Variants in TBC1D13 observed in about 807,000 individuals in gnomAD.
TBC1D13 encodes the protein epididymis secretory sperm binding protein.
Under a neutral mutation model 53.6 loss-of-function variants are expected in TBC1D13, and 40 were observed. The ratio of observed to expected loss-of-function variants is 0.75; its 90% CI spans 0.58 to 0.97. The LOEUF is 0.97. Among genes scored for constraint, TBC1D13 ranks in the 50% least tolerant of loss-of-function variants. The pLI is 0.00. For synonymous variants in TBC1D13, 182 were observed against 197.7 expected (o/e 0.92, Z 0.67); for missense variants, 377 against 499.4 (o/e 0.75, Z 2.34).
intron 6 of TBC1D13, among the ~76,000 whole-genome samples, 166 bp downstream of exon 6, chr9:128,792,740 C>T (rs187447106): frequency 6.6e-6 from 1 of 152,250 alleles, no homozygotes; most frequent in East Asian, 1.9e-4. Flanking sequence ...AGGCTGAGAA[C>T]GAGGCTAGCG....
At chr9:128,804,720 GTTTTTTTTTTTT>G (rs1170366996) in intron 9 of TBC1D13, among the ~76,000 whole-genome samples, 2 of 56,392 alleles carry the variant, frequency 3.5e-5, no homozygotes, top group African/African-American at 8.2e-5. Flanking sequence ...TTTTTTTTCT[GTTTTTTTTTTTT>G]TTTTTTTTTT....
intron 10 of TBC1D13, 111 bp downstream of exon 10, chr9:128,806,130 G>T (rs1829828324): frequency 8.8e-6 from 14 of 1,586,574 alleles, no homozygotes; most frequent in African/African-American, 1.3e-5. Flanking sequence ...CATGGCTGGA[G>T]TGGGATTCTG....
chr9:128,802,338 A>G (rs539566343), intron 7 of TBC1D13, among the ~76,000 whole-genome samples: 1 of 152,310 alleles, frequency 6.6e-6, no homozygotes, highest in South Asian at 2.1e-4. Context: ...GATTACAGGT[A>G]TGAACCACCG....
intron 5 of TBC1D13, 115 bp downstream of exon 5, chr9:128,791,808 C>T: frequency 1.2e-6 from 1 of 825,814 alleles, no homozygotes; most frequent in Non-Finnish European, 2.0e-6. Context: ...TGTCAGTCCC[C>T]TCTGGACCTC....
At chr9:128,798,606 T>C (rs1337795149) in intron 7 of TBC1D13, among the ~76,000 whole-genome samples, 3 of 152,178 alleles carry the variant, frequency 2.0e-5, no homozygotes, top group African/African-American at 7.2e-5. Context: ...GGGTTAGATC[T>C]GAGAGACTCT....
intron 9 of TBC1D13, among the ~76,000 whole-genome samples, chr9:128,805,593 A>G (rs1439217660): frequency 6.6e-6 from 1 of 152,252 alleles, no homozygotes; most frequent in Non-Finnish European, 1.5e-5. Flanking sequence ...GCCATCATTT[A>G]TAAATCTGGA....
At chr9:128,806,101 G>T in intron 10 of TBC1D13, 82 bp downstream of exon 10, 2 of 1,586,016 alleles carry the variant, frequency 1.3e-6, no homozygotes, top group Non-Finnish European at 1.7e-6. Context: ...GCCCCGAAGG[G>T]TGGGCAGGGC....
intron 3 of TBC1D13, 113 bp from the exon 4 acceptor site, chr9:128,791,267 C>A: frequency 1.9e-6 from 2 of 1,038,262 alleles, no homozygotes; most frequent in Non-Finnish European, 3.0e-6. Context: ...TTTAGCCCAT[C>A]TTGTCTTCTT....
In TBC1D13 at chr9:128,805,895, C is replaced by G. The variant is rs758382085; in HGVS notation, c.955C>G (p.Arg319Gly). 4 of 1,614,116 alleles carry G rather than the reference C, an allele frequency of 2.5e-6. No homozygotes were observed. Among genetic ancestry groups the G allele is most frequent in the East Asian group, 2.2e-5 (1 of 44,894 alleles). The change falls in exon 10 of 12, where the codon CGC (arginine) becomes GGC (glycine). Residue 319 changes from arginine (R) to glycine (G), a missense_variant. Coordinates refer to ENST00000372648, the MANE Select transcript of TBC1D13 (RefSeq NM_018201.5). Reference sequence around the variant, plus strand: ...CATCAAGCCTCAGTTCTTTGCCTTCCGCTGGCTGACACTGCTGCTGTCCCA... The same window carrying G: ...CATCAAGCCTCAGTTCTTTGCCTTCGGCTGGCTGACACTGCTGCTGTCCCA... The part of the protein sequence containing the change: ...QNIKPQFFAF[R>G]WLTLLLSQEF...
At chr9:128,805,724 G>A in intron 9 of TBC1D13, 135 bp from the exon 10 acceptor site, 1 of 985,822 alleles carries the variant, frequency 1.0e-6, no homozygotes, top group Non-Finnish European at 1.5e-6. Context: ...CCGGCAGCCT[G>A]GTGCCAGCCC....
chr9:128,788,324 C>G lies in TBC1D13; in HGVS notation c.24-10C>G. 1 of 1,613,904 alleles carries G rather than the reference C, an allele frequency of 6.2e-7. No individual in the cohort carries two copies. The highest frequency in any genetic ancestry group is 1.1e-5 in the South Asian group (1 of 91,076). The stretch of plus-strand genomic sequence containing the variant: ...GCATGCTTCATTTGCCGCCCTATCT[C>G]CCCTTCCAGAATTGCAGATTTCCAG... On this transcript the variant is annotated splice_polypyrimidine_tract_variant and intron_variant, in intron 1 of 11. Coordinates refer to ENST00000372648, the MANE Select transcript of TBC1D13 (RefSeq NM_018201.5).
chr9:128,790,923 G>C (rs985048588), intron 3 of TBC1D13, 148 bp downstream of exon 3: 43 of 756,906 alleles, frequency 5.7e-5, no homozygotes, highest in Middle Eastern at 3.9e-4. Flanking sequence ...TGGGTTTTCT[G>C]TTCCTCTTGG....
chr9:128,797,029 G>A (rs779919237), intron 6 of TBC1D13, 26 bp from the exon 7 acceptor site: 3 of 1,612,882 alleles, frequency 1.9e-6, no homozygotes, highest in Non-Finnish European at 2.5e-6. Flanking sequence ...TGAGTAACAA[G>A]ATTATTTCCT....
chr9:128,788,202 C>G (rs1347792710), intron 1 of TBC1D13, 132 bp from the exon 2 acceptor site: 2 of 722,760 alleles, frequency 2.8e-6, no homozygotes, highest in Admixed American at 4.4e-5. Flanking sequence ...CTTGACTAAG[C>G]TGTGTGATTT....
chr9:128,806,826 C>T lies in TBC1D13; in HGVS notation c.1137+515C>T, dbSNP rs117207958. On this transcript the variant is annotated intron_variant, in intron 11 of 11. Coordinates refer to ENST00000372648, the MANE Select transcript of TBC1D13 (RefSeq NM_018201.5). ...GGCTTGGTGGCATGCACCTGTAATTCCCAGCTGCTTGGGAGGCTGAGGTAG... is the reference window on the plus strand; with the variant it reads ...GGCTTGGTGGCATGCACCTGTAATTTCCAGCTGCTTGGGAGGCTGAGGTAG... 3.9e-3 allele frequency among the ~76,000 whole-genome samples: 591 copies of T among 152,074 alleles called. 12 individuals are homozygous for T. The East Asian group carries it at 0.04, about 10-fold the overall frequency.
intron 2 of TBC1D13, 95 bp downstream of exon 2, chr9:128,788,502 CT>C: frequency 9.1e-7 from 1 of 1,104,508 alleles, no homozygotes; most frequent in East Asian, 2.4e-5. Context: ...TGGGGCCCAG[CT>C]GCTGGGGGCT....
chr9:128,792,416 C>A, intron 5 of TBC1D13, 76 bp from the exon 6 acceptor site: 1 of 1,350,180 alleles, frequency 7.4e-7, no homozygotes, highest in East Asian at 2.3e-5. Context: ...AAGGCCACTG[C>A]TCAGGTTTCC....
intron 9 of TBC1D13, among the ~76,000 whole-genome samples, chr9:128,804,552 A>G (rs954396951): frequency 6.8e-6 from 1 of 146,538 alleles, no homozygotes; most frequent in Non-Finnish European, 1.5e-5. Context: ...GACTACAGGC[A>G]CCCGCCACTG....
intron 1 of TBC1D13, among the ~76,000 whole-genome samples, chr9:128,787,825 G>A (rs1829457053): frequency 6.6e-6 from 1 of 152,156 alleles, no homozygotes; most frequent in Non-Finnish European, 1.5e-5. Context: ...TCACTCTTCA[G>A]TTTTCCTTCA....
Sources: allele counts gnomAD v4.1 joint callset (sites outside exome capture counted in the v4.1 genomes callset), GRCh38; gene constraint gnomAD v4.1.1; transcripts MANE v1.5; gene names NCBI Gene and HGNC (gene_info 2026-07-23, HGNC 2026-07-21).